MAP3K2: variants seen among roughly 807,000 people sequenced by gnomAD.
MAP3K2 encodes the protein MAP/ERK kinase kinase 2.
Under a neutral mutation model 80.3 loss-of-function variants are expected in MAP3K2, and 24 were observed. The ratio of observed to expected loss-of-function variants is 0.30; its 90% confidence interval spans 0.22 to 0.42. The LOEUF (loss-of-function observed/expected upper bound fraction) is 0.42. Ranked by LOEUF, MAP3K2 falls within the 10% of genes least tolerant of loss-of-function variation. The pLI, the probability that MAP3K2 is intolerant of heterozygous loss-of-function variation, is 1.00. For synonymous variants in MAP3K2, 244 were observed against 253.7 expected (o/e 0.96, Z 0.36); for missense variants, 608 against 750.1 (o/e 0.81, Z 2.21).
At chr2:127,351,867 GTTTT>G (rs1186343967) in intron 1 of MAP3K2, among the ~76,000 whole-genome samples, 4 of 151,248 alleles carry the variant, frequency 2.6e-5, no homozygotes, top group African/African-American at 9.7e-5. Flanking sequence ...CCTACTTCTT[GTTTT>G]TTTGTGTTTT....
chr2:127,318,096 G>A (rs1277761773), intron 13 of MAP3K2, 73 bp downstream of exon 13: 35 of 1,210,218 alleles, frequency 2.9e-5, no homozygotes, highest in Non-Finnish European at 3.8e-5. Context: ...AATGGAAGGG[G>A]CTTAATGTTA....
Position 127,380,655 on chromosome 2 carries a change from TTAAG to T in MAP3K2, c.-66+6793_-66+6796del, listed in dbSNP as rs553089148. On this transcript the variant is annotated intron_variant, in intron 1 of 16. Coordinates refer to ENST00000682094, the MANE Select transcript of MAP3K2 (RefSeq NM_001371910.2). ...TAATCTTAACTCTTTAACCTAAGAGTTAAGTAACAATAAAGGCAACAATACAAGA... is the reference window on the plus strand; with the variant it reads ...TAATCTTAACTCTTTAACCTAAGAGTTAACAATAAAGGCAACAATACAAGA... 2.8e-3 allele frequency among the ~76,000 whole-genome samples: 421 copies of T among 151,938 alleles called. 3 individuals carry two copies. The highest frequency in any genetic ancestry group is 6.8e-3 in the Middle Eastern group (2 of 292).
At position 127,307,552 on chromosome 2, in the gene MAP3K2, T is replaced by G. The variant is rs748080840; in HGVS notation, c.*27A>C. 13 of 1,475,926 alleles carry G rather than the reference T, an allele frequency of 8.8e-6. No homozygotes were observed. The highest frequency in any genetic ancestry group is 1.2e-5 in the Non-Finnish European group (13 of 1,079,372). 91.4% of individuals were successfully genotyped at this position (1,475,926 alleles called of 1,614,324 possible). A position where few individuals can be genotyped will look rare whatever the true frequency, so the allele number is the denominator to read the frequency against. On this transcript the variant is annotated 3_prime_UTR_variant, in exon 17 of 17. Coordinates refer to ENST00000682094, the MANE Select transcript of MAP3K2 (RefSeq NM_001371910.2). This position sits in a 1 kb window ranked among gnomAD's most constrained non-coding sequence, Gnocchi z 5.4. ...GGTGAATGAATAGATGGGAGCTAGG[T>G]AGAGGCACAGGAGAGGTTACTGGCT... is the stretch of plus-strand genomic sequence containing the variant.
At chr2:127,371,330 G>A (rs116074154) in intron 1 of MAP3K2, among the ~76,000 whole-genome samples, 2,159 of 152,298 alleles carry the variant, frequency 0.014, 44 homozygotes, top group African/African-American at 0.049. Flanking sequence ...TCCCCATGCC[G>A]ATGTACAACA....
intron 5 of MAP3K2, among the ~76,000 whole-genome samples, chr2:127,332,004 T>C (rs1461576368): frequency 6.6e-6 from 1 of 152,256 alleles, no homozygotes; most frequent in Non-Finnish European, 1.5e-5. Context: ...CTTACTCTGT[T>C]GTTAAAATAT....
chr2:127,303,312 A>C lies in MAP3K2; in HGVS notation c.*4267T>G, dbSNP rs1685632851. On this transcript the variant is annotated 3_prime_UTR_variant, in exon 17 of 17. Coordinates refer to ENST00000682094, the MANE Select transcript of MAP3K2 (RefSeq NM_001371910.2). ...ACCAAAATAAAGTATGTTTTCTTTA[A>C]AAGAGACACTGGGGAAAAAAAAAAA... 6.8e-6 allele frequency: 1 copy of C among 147,100 alleles called. No homozygotes were observed. The highest frequency in any genetic ancestry group is 1.5e-5 in the Non-Finnish European group (1 of 66,828). 9.1% of individuals were successfully genotyped at this position (147,100 alleles called of 1,614,324 possible).
chr2:127,308,522 A>C, intron 16 of MAP3K2, 63 bp downstream of exon 16: 1 of 1,404,218 alleles, frequency 7.1e-7, no homozygotes, highest in East Asian at 2.3e-5. Context: ...TCAGTAATTC[A>C]ATCCCAGGTG....
Position 127,364,281 on chromosome 2 carries a change from T to C in MAP3K2, c.-65-21087A>G, listed in dbSNP as rs552684343. On this transcript the variant is annotated intron_variant, in intron 1 of 16. Transcript: ENST00000682094. The surrounding 1 kb of genome is among the most constrained non-coding windows in gnomAD (Gnocchi z 4.1). The stretch of plus-strand genomic sequence containing the variant: ...CATTCGGATAACCAAAAGAAGCAAA[T>C]AGATAATCAAAAAAAGCAAAGAGTA... Among the ~76,000 whole-genome samples, 14 of 152,230 alleles carry C rather than the reference T, an allele frequency of 9.2e-5. No individual in the cohort carries two copies. The highest frequency in any genetic ancestry group is 4.1e-4 in the South Asian group (2 of 4,830).
At position 127,321,421 on chromosome 2, in the gene MAP3K2, A is replaced by G. The variant is rs2104820578; in HGVS notation, c.1045+625T>C. On this transcript the variant is annotated intron_variant, in intron 12 of 16. Transcript: ENST00000682094. This position sits in a 1 kb window ranked among gnomAD's most constrained non-coding sequence, Gnocchi z 4.4. ...GTCAATATGGATATAAAAGTAAACT[A>G]TGACACACTAGCACACAAAAAGGAA... is the stretch of plus-strand genomic sequence containing the variant. Among the ~76,000 whole-genome samples, 1 of 152,368 alleles carries G rather than the reference A, an allele frequency of 6.6e-6. No homozygotes were observed. The highest frequency in any genetic ancestry group is 2.1e-4 in the South Asian group (1 of 4,830).
chr2:127,345,044 G>T (rs569168724), intron 1 of MAP3K2, among the ~76,000 whole-genome samples: 25 of 152,228 alleles, frequency 1.6e-4, no homozygotes, highest in East Asian at 1.4e-3. Flanking sequence ...TTTAAAAAAA[G>T]ATTTTGTACA....
In MAP3K2 at chr2:127,364,911, T is replaced by C. The variant is rs1327457159; in HGVS notation, c.-65-21717A>G. On this transcript the variant is annotated intron_variant, in intron 1 of 16. Transcript: ENST00000682094. The surrounding 1 kb of genome is among the most constrained non-coding windows in gnomAD (Gnocchi z 4.1). ...GGAAGGCCAAGGCAGGCAGATCACC[T>C]GAGGTCAGGAGTTTGAGACCGGCCT... is the stretch of plus-strand genomic sequence containing the variant. Among the ~76,000 whole-genome samples, 1 of 152,016 alleles carries C rather than the reference T, an allele frequency of 6.6e-6. No homozygotes were observed. The highest frequency in any genetic ancestry group is 2.4e-5 in the African/African-American group (1 of 41,422).
intron 14 of MAP3K2, among the ~76,000 whole-genome samples, chr2:127,315,695 G>A (rs2104812111): frequency 6.6e-6 from 1 of 152,350 alleles, no homozygotes; most frequent in Non-Finnish European, 1.5e-5. Context: ...AGCACTTTGG[G>A]AGGCTGAGTG....
At chr2:127,353,321 G>A (rs1040754542) in intron 1 of MAP3K2, among the ~76,000 whole-genome samples, 15 of 152,038 alleles carry the variant, frequency 9.9e-5, no homozygotes, top group Admixed American at 2.6e-4. Flanking sequence ...GCCCCGTCTG[G>A]GATGTGAGGA....
intron 1 of MAP3K2, among the ~76,000 whole-genome samples, chr2:127,346,611 A>G (rs755270875): frequency 1.3e-4 from 20 of 152,138 alleles, no homozygotes; most frequent in Non-Finnish European, 2.1e-4. Flanking sequence ...TATACCATGC[A>G]CATTTGGGAT....
chr2:127,377,836 T>C (rs1002097175), intron 1 of MAP3K2, among the ~76,000 whole-genome samples: 16 of 151,726 alleles, frequency 1.1e-4, no homozygotes, highest in Admixed American at 7.9e-4. Flanking sequence ...AAAGACAACG[T>C]GAAAAAGGAA....
rs115164220 is a variant in MAP3K2, at chr2:127,386,822, C to A, written c.-66+630G>T. On this transcript the variant is annotated intron_variant, in intron 1 of 16. Coordinates refer to ENST00000682094, the MANE Select transcript of MAP3K2 (RefSeq NM_001371910.2). The stretch of plus-strand genomic sequence containing the variant: ...ATTTTCTAAACGTATTTATTTTTTG[C>A]AAGACGAGAAATACAGTCTTACAAA... Among the ~76,000 whole-genome samples, 162 of 152,218 alleles carry A rather than the reference C, an allele frequency of 1.1e-3. 1 individual carries two copies. Among genetic ancestry groups the A allele is most frequent in the African/African-American group, 3.8e-3 (159 of 41,542 alleles).
Position 127,330,455 on chromosome 2 carries a change from C to T in MAP3K2, c.315G>A (p.Leu105=). The change falls in exon 6 of 17, where the codon CTG becomes CTA. Residue 105 remains leucine, a synonymous_variant. Transcript: ENST00000682094. ...TQDDLDKAVE[L]LDRSIHMKSL... Reference sequence around the variant, plus strand: ...TCTTCATATGAATACTACGATCCAGCAGTTCCACAGCTTTGTCCAAGTCAT... The same window carrying T: ...TCTTCATATGAATACTACGATCCAGTAGTTCCACAGCTTTGTCCAAGTCAT... 1 of 1,609,910 alleles carries T rather than the reference C, an allele frequency of 6.2e-7. No individual in the cohort carries two copies. The highest frequency in any genetic ancestry group is 8.5e-7 in the Non-Finnish European group (1 of 1,177,778).
In MAP3K2 at chr2:127,360,411, C is replaced by T. The variant is rs371930345; in HGVS notation, c.-65-17217G>A. ...CAGATCATTGGTTATCTAGGAACAACGGATAGAGGTAAGACAGTGACGAAT... is the reference window on the plus strand; with the variant it reads ...CAGATCATTGGTTATCTAGGAACAATGGATAGAGGTAAGACAGTGACGAAT... On this transcript the variant is annotated intron_variant, in intron 1 of 16. Coordinates refer to ENST00000682094, the MANE Select transcript of MAP3K2 (RefSeq NM_001371910.2). 4.2e-4 allele frequency among the ~76,000 whole-genome samples: 62 copies of T among 149,168 alleles called. No homozygotes were observed. In the East Asian group the frequency reaches 4.5e-3, roughly 11 times the overall value.
At chr2:127,355,860 G>A (rs1686788660) in intron 1 of MAP3K2, among the ~76,000 whole-genome samples, 1 of 152,102 alleles carries the variant, frequency 6.6e-6, no homozygotes, top group Non-Finnish European at 1.5e-5. Context: ...CATCGACTGA[G>A]TTGCTTATTG....
Sources: gnomAD v4.1 joint callset for allele counts (sites outside exome capture counted in the v4.1 genomes callset) on GRCh38, gnomAD v4.1.1 for gene constraint, Gnocchi (gnomAD v3.1) non-coding constraint, MANE v1.5 for transcripts, NCBI Gene and HGNC (gene_info 2026-07-23, HGNC 2026-07-21) for gene names.